The following GLIS3 variants were observed in gnomAD, a reference collection of about 807,000 sequenced individuals.
The protein encoded by GLIS3 is zinc finger protein GLIS3.
A neutral mutation model predicts 78.6 loss-of-function variants in GLIS3; 53 were observed. The observed-to-expected ratio is 0.67, with a 90% CI of 0.54 to 0.85. The LOEUF (loss-of-function observed/expected upper bound fraction) is 0.85, where lower values mean the gene tolerates loss of function less well. GLIS3 is among the 40% of genes least tolerant of loss of function. The pLI is 0.00. For missense variants in GLIS3, 1,703 were observed against 1,231.1 expected, an observed-to-expected ratio of 1.38 and a Z score of -5.74; for synonymous variants, 684 against 509.9, an observed-to-expected ratio of 1.34 and a Z score of -4.60.
the GLIS3 span, among the ~76,000 whole-genome samples, chr9:4,480,945 C>T: frequency 1.1e-4 from 16 of 151,882 alleles, no homozygotes; most frequent in African/African-American, 3.1e-4. Flanking sequence ...GTCCGGACCT[C>T]GGGGGTTCAA....
intron 2 of GLIS3, among the ~76,000 whole-genome samples, chr9:4,232,172 G>A (rs567536307): frequency 6.6e-6 from 1 of 152,070 alleles, no homozygotes; most frequent in Non-Finnish European, 1.5e-5. Context: ...GAGGCCAGGG[G>A]TTCAAGACCA....
In GLIS3 at chr9:3,991,730, G is replaced by A. The variant is rs754990193; in HGVS notation, c.1711-54541C>T. Among the ~76,000 whole-genome samples the A allele has an allele frequency of 2.6e-3, 274 of 104,154 alleles. 1 individual carries two copies. The highest frequency in any genetic ancestry group is 8.4e-3 in the South Asian group (21 of 2,512). 68.3% of individuals were successfully genotyped at this position (104,154 alleles called of 152,430 possible). A position where few individuals can be genotyped will look rare whatever the true frequency, so the allele number is the denominator to read the frequency against. ...TTTTGAGACGGAGTCTCACTCTGTC[G>A]CCCAGGCTGGAGTGCAGTGGTGGGA... On this transcript the variant is annotated intron_variant, in intron 4 of 10. Coordinates refer to ENST00000381971, the MANE Select transcript of GLIS3 (RefSeq NM_001042413.2).
chr9:4,132,513 G>T (rs1375353546), intron 2 of GLIS3, among the ~76,000 whole-genome samples: 1 of 152,172 alleles, frequency 6.6e-6, no homozygotes, highest in African/African-American at 2.4e-5. Flanking sequence ...GAACAAGAAT[G>T]AAATATATCT....
intron 4 of GLIS3, chr9:4,054,539 T>A: frequency 1.0e-6 from 1 of 974,008 alleles, no homozygotes; most frequent in Non-Finnish European, 1.2e-6. Context: ...CAAACACAGA[T>A]CTGATCAGTG....
At chr9:4,266,452 T>C (rs1826015666) in intron 2 of GLIS3, among the ~76,000 whole-genome samples, 1 of 152,126 alleles carries the variant, frequency 6.6e-6, no homozygotes, top group African/African-American at 2.4e-5. Context: ...AGTTCAGAGA[T>C]GCAATAGTGA....
At chr9:4,290,325 A>T (rs1236294921) in intron 1 of GLIS3, among the ~76,000 whole-genome samples, 2 of 152,142 alleles carry the variant, frequency 1.3e-5, no homozygotes, top group Non-Finnish European at 2.9e-5. Context: ...GCCAGCAAAC[A>T]AACTGCTTCT....
the GLIS3 span, among the ~76,000 whole-genome samples, chr9:4,384,668 G>T: frequency 6.5e-4 from 99 of 151,794 alleles, 2 homozygotes; most frequent in Admixed American, 3.7e-3. Context: ...CTAAATCATG[G>T]TCTCCCAGCT....
chr9:3,876,520 G>C (rs1329095957), intron 8 of GLIS3, among the ~76,000 whole-genome samples: 1 of 148,834 alleles, frequency 6.7e-6, no homozygotes, highest in African/African-American at 2.5e-5. Context: ...GTAGGAGAAT[G>C]TCCTTCTTAG....
At chr9:4,409,645 C>G in the GLIS3 span, among the ~76,000 whole-genome samples, 1 of 152,116 alleles carries the variant, frequency 6.6e-6, no homozygotes, top group East Asian at 1.9e-4. Flanking sequence ...CTAGTAATTT[C>G]AAACAAATTA....
chr9:4,446,980 C>T, the GLIS3 span, among the ~76,000 whole-genome samples: 1 of 152,110 alleles, frequency 6.6e-6, no homozygotes, highest in African/African-American at 2.4e-5. Context: ...GTGATTCTTA[C>T]TCTGCTACCC....
chr9:4,416,560 A>G, the GLIS3 span, among the ~76,000 whole-genome samples: 1 of 151,984 alleles, frequency 6.6e-6, no homozygotes, highest in Non-Finnish European at 1.5e-5. Flanking sequence ...AAATTGTCAT[A>G]TTTCTTTCTA....
the GLIS3 span, among the ~76,000 whole-genome samples, chr9:4,363,321 G>A: frequency 6.6e-6 from 1 of 152,150 alleles, no homozygotes; most frequent in Non-Finnish European, 1.5e-5. Flanking sequence ...TACTTGAGAG[G>A]CTGAGGTAGT....
chr9:3,906,152 G>A (rs776538038), intron 6 of GLIS3, among the ~76,000 whole-genome samples: 5 of 152,226 alleles, frequency 3.3e-5, no homozygotes, highest in Non-Finnish European at 7.3e-5. Context: ...ATCATGTGAG[G>A]CCTTCAAGCA....
At chr9:4,081,319 C>G (rs947759997) in intron 4 of GLIS3, 1 of 152,214 alleles carries the variant, frequency 6.6e-6, no homozygotes, top group Non-Finnish European at 1.5e-5. Context: ...TTTACCCTGT[C>G]GCATATACTT....
intron 2 of GLIS3, among the ~76,000 whole-genome samples, chr9:4,238,328 G>C (rs146171478): frequency 9.2e-5 from 14 of 152,216 alleles, no homozygotes; most frequent in Middle Eastern, 3.4e-3. Flanking sequence ...GAAGGAGAGG[G>C]AATTGTTGTT....
At chr9:3,989,208 T>C (rs1820015544) in intron 4 of GLIS3, among the ~76,000 whole-genome samples, 1 of 152,058 alleles carries the variant, frequency 6.6e-6, no homozygotes. Flanking sequence ...TATTACTACA[T>C]GCCTATCAGA....
At chr9:4,056,176 T>C (rs924573910) in intron 4 of GLIS3, among the ~76,000 whole-genome samples, 7 of 152,228 alleles carry the variant, frequency 4.6e-5, no homozygotes, top group African/African-American at 1.7e-4. Context: ...GGGTTTGCAA[T>C]AGCAGGGTGT....
intron 7 of GLIS3, chr9:3,898,150 A>C: frequency 6.0e-6 from 1 of 167,496 alleles, no homozygotes; most frequent in South Asian, 1.5e-4. Context: ...TAATTTTCCA[A>C]ATATAGTCAC....
At chr9:4,105,594 C>A (rs1225295181) in intron 4 of GLIS3, among the ~76,000 whole-genome samples, 4 of 152,084 alleles carry the variant, frequency 2.6e-5, no homozygotes, top group Non-Finnish European at 5.9e-5. Context: ...CTAAATTGCC[C>A]ATTGATTTAC....
Sources: gnomAD v4.1 joint callset for allele counts (sites outside exome capture counted in the v4.1 genomes callset) on GRCh38, gnomAD v4.1.1 for gene constraint, MANE v1.5 for transcripts, NCBI Gene and HGNC (gene_info 2026-07-23, HGNC 2026-07-21) for gene names.